The following SLC5A4 variants were observed in gnomAD, a reference collection of about 807,000 sequenced individuals.
SLC5A4 encodes the protein solute carrier family 5 member 4.
In SLC5A4, 55 loss-of-function variants were observed where a neutral mutation model predicts 70.3. The observed-to-expected ratio is 0.78, with a 90% CI of 0.63 to 0.98. SLC5A4 has a LOEUF of 0.98. SLC5A4 is among the 50% of genes least tolerant of loss of function. SLC5A4 has a pLI of 0.00. For missense variants in SLC5A4, 735 were observed against 839.2 expected, an observed-to-expected ratio of 0.88 and a Z score of 1.53; for synonymous variants, 268 against 305.7, an observed-to-expected ratio of 0.88 and a Z score of 1.29.
intron 9 of SLC5A4, among the ~76,000 whole-genome samples, chr22:32,231,682 C>T (rs1925773536): frequency 6.6e-6 from 1 of 152,230 alleles, no homozygotes; most frequent in African/African-American, 2.4e-5. Flanking sequence ...TCATTCCTTC[C>T]TAATCCTTTT....
chr22:32,350,860 T>A, the SLC5A4 span, among the ~76,000 whole-genome samples: 3 of 152,004 alleles, frequency 2.0e-5, no homozygotes, highest in Non-Finnish European at 4.4e-5. Context: ...TATATATTGT[T>A]TCCTTAAAGC....
At chr22:32,333,201 C>CG in the SLC5A4 span, among the ~76,000 whole-genome samples, 21 of 147,294 alleles carry the variant, frequency 1.4e-4, no homozygotes, top group Non-Finnish European at 2.0e-4. Flanking sequence ...CTGGCACCCC[C>CG]CCCCCAGAAG....
the SLC5A4 span, among the ~76,000 whole-genome samples, chr22:32,266,400 T>C: frequency 6.6e-6 from 1 of 152,164 alleles, no homozygotes; most frequent in Admixed American, 6.5e-5. Context: ...CCTAGGTAGT[T>C]TCACTATTAC....
At chr22:32,309,861 G>C in the SLC5A4 span, among the ~76,000 whole-genome samples, 5 of 151,788 alleles carry the variant, frequency 3.3e-5, no homozygotes, top group African/African-American at 1.2e-4. Context: ...GCTGCACTCT[G>C]CACCTGCCTT....
At chr22:32,339,372 G>A in the SLC5A4 span, among the ~76,000 whole-genome samples, 3 of 152,098 alleles carry the variant, frequency 2.0e-5, no homozygotes, top group African/African-American at 4.8e-5. Flanking sequence ...TTGTACTGAT[G>A]GGAACACTGA....
the SLC5A4 span, among the ~76,000 whole-genome samples, chr22:32,302,086 T>TA: frequency 1.3e-5 from 2 of 152,158 alleles, no homozygotes; most frequent in African/African-American, 4.8e-5. Context: ...AATGGTTTCT[T>TA]AGATATGAAA....
intron 8 of SLC5A4, among the ~76,000 whole-genome samples, chr22:32,234,523 A>G (rs2123896389): frequency 6.6e-6 from 1 of 152,198 alleles, no homozygotes; most frequent in East Asian, 1.9e-4. Flanking sequence ...ACATGGTGAA[A>G]CCCCGTCTCT....
the SLC5A4 span, among the ~76,000 whole-genome samples, chr22:32,332,595 G>C: frequency 3.9e-4 from 60 of 152,184 alleles, no homozygotes; most frequent in Non-Finnish European, 7.2e-4. Flanking sequence ...GCAGAGACAG[G>C]GCCGGAGGCT....
At chr22:32,344,919 C>A in the SLC5A4 span, among the ~76,000 whole-genome samples, 7 of 152,286 alleles carry the variant, frequency 4.6e-5, no homozygotes, top group Admixed American at 4.6e-4. Flanking sequence ...TGGACTATCT[C>A]CTCCCATTTC....
the SLC5A4 span, among the ~76,000 whole-genome samples, chr22:32,293,364 C>T: frequency 1.7e-3 from 260 of 152,072 alleles, 1 homozygote; most frequent in African/African-American, 6.1e-3. Flanking sequence ...CTTCTTTCTT[C>T]TCAATTTTTG....
chr22:32,348,195 C>G, the SLC5A4 span, among the ~76,000 whole-genome samples: 2 of 152,214 alleles, frequency 1.3e-5, no homozygotes, highest in Admixed American at 1.3e-4. Flanking sequence ...CAGGGCCCCA[C>G]CCCAGGACTT....
intron 13 of SLC5A4, among the ~76,000 whole-genome samples, chr22:32,223,227 A>G (rs1186161587): frequency 3.9e-5 from 6 of 152,104 alleles, no homozygotes; most frequent in Non-Finnish European, 7.4e-5. Flanking sequence ...GCTATTTCCT[A>G]TTTGAAAACT....
At chr22:32,315,315 G>A in the SLC5A4 span, among the ~76,000 whole-genome samples, 1 of 152,078 alleles carries the variant, frequency 6.6e-6, no homozygotes, top group Non-Finnish European at 1.5e-5. Flanking sequence ...AAAGTAGGAG[G>A]GGTGGAGGTG....
chr22:32,341,156 G>A, the SLC5A4 span, among the ~76,000 whole-genome samples: 12 of 152,186 alleles, frequency 7.9e-5, no homozygotes, highest in Non-Finnish European at 4.4e-5. Context: ...GCAATGAACA[G>A]CTAGTCTGGA....
chr22:32,231,162 TAAGG>T (rs1313972631), intron 9 of SLC5A4, 87 bp from the exon 10 acceptor site: 2 of 801,042 alleles, frequency 2.5e-6, no homozygotes, highest in African/African-American at 3.4e-5. Context: ...TGAAAGATCA[TAAGG>T]AAGGAAAGAC....
Position 32,225,823 on chromosome 22 carries a change from C to G in SLC5A4, c.1281G>C (p.Arg427=). ...CAACAGTTAATAGAAGAACAAATAT[C>G]CTGAGAAGAAAACAACATAATTTAA... ...ASEKELLIAG[R]IFVLLLTVVS... The change falls in exon 12 of 15, where the codon CGG becomes CGC. Residue 427 remains arginine, a splice_region_variant and synonymous_variant. Transcript: ENST00000266086. 6.3e-7 allele frequency: 1 copy of G among 1,592,906 alleles called. No individual in the cohort carries two copies. Among genetic ancestry groups the G allele is most frequent in the Non-Finnish European group, 8.6e-7 (1 of 1,169,436 alleles).
the SLC5A4 span, chr22:32,269,586 C>T: frequency 9.6e-6 from 6 of 626,450 alleles, no homozygotes; most frequent in African/African-American, 1.8e-5. The surrounding 1 kb of genome is among the most constrained non-coding windows in gnomAD (Gnocchi z 4.1). Context: ...GATCTCTCAC[C>T]AGCTACCCTT....
the SLC5A4 span, among the ~76,000 whole-genome samples, chr22:32,286,481 C>T: frequency 7.9e-5 from 12 of 152,296 alleles, no homozygotes; most frequent in South Asian, 2.5e-3. Flanking sequence ...AGTTTCTTGC[C>T]TGGAGCTTTG....
At chr22:32,291,206 CTTTTT>C in the SLC5A4 span, among the ~76,000 whole-genome samples, 1 of 128,796 alleles carries the variant, frequency 7.8e-6, no homozygotes, top group African/African-American at 2.9e-5. Context: ...TTTGACTGTT[CTTTTT>C]TTTTTTTTTT....
Sources: allele counts gnomAD v4.1 joint callset (sites outside exome capture counted in the v4.1 genomes callset), GRCh38; gene constraint gnomAD v4.1.1; non-coding constraint Gnocchi (gnomAD v3.1); transcripts MANE v1.5; gene names NCBI Gene and HGNC (gene_info 2026-07-23, HGNC 2026-07-21).